Variants in IL7 observed in about 807,000 individuals in gnomAD.
IL7 encodes the protein interleukin-7.
Under a neutral mutation model 21.6 loss-of-function variants are expected in IL7, and 3 were observed. The observed-to-expected ratio is 0.14, with a 90% CI of 0.06 to 0.36. The LOEUF (loss-of-function observed/expected upper bound fraction) is 0.36. IL7 is among the 10% of genes least tolerant of loss of function. The probability of loss-of-function intolerance (pLI) is 1.00; values close to 1 mark genes in which losing one functional copy is unlikely to be tolerated. For synonymous variants in IL7, 62 were observed against 68.1 expected, an observed-to-expected ratio of 0.91 and a Z score of 0.44; for missense variants, 175 against 200.2, an observed-to-expected ratio of 0.87 and a Z score of 0.76.
intron 2 of IL7, among the ~76,000 whole-genome samples, chr8:78,777,224 A>C (rs1198899593): frequency 6.6e-6 from 1 of 152,072 alleles, no homozygotes; most frequent in African/African-American, 2.4e-5. Context: ...AAAAATACCA[A>C]TATAGTAATT....
At chr8:78,749,654 C>A (rs1022557255) in intron 2 of IL7, among the ~76,000 whole-genome samples, 5 of 152,218 alleles carry the variant, frequency 3.3e-5, no homozygotes, top group African/African-American at 1.2e-4. Flanking sequence ...CCAAGGGTAC[C>A]CAGTCATAGT....
chr8:78,801,072 T>C (rs1049345171), intron 1 of IL7, among the ~76,000 whole-genome samples: 1 of 152,216 alleles, frequency 6.6e-6, no homozygotes, highest in African/African-American at 2.4e-5. Context: ...TTTTTGTATA[T>C]TACACGTACT....
At chr8:78,712,099 A>G (rs952536954) in intron 3 of IL7, 57 of 1,283,442 alleles carry the variant, frequency 4.4e-5, no homozygotes, top group Non-Finnish European at 5.4e-5. Flanking sequence ...GTTATTACCT[A>G]TTTACAAGTA....
chr8:78,714,522 A>G (rs138662337), downstream of IL7, among the ~76,000 whole-genome samples: 72 of 152,300 alleles, frequency 4.7e-4, no homozygotes, highest in African/African-American at 1.5e-3. Flanking sequence ...CAAAGCTGTC[A>G]GTAGCATTAG....
chr8:78,695,758 A>G (rs1810379996), intron 3 of IL7, among the ~76,000 whole-genome samples: 1 of 152,150 alleles, frequency 6.6e-6, no homozygotes, highest in Admixed American at 6.5e-5. Flanking sequence ...AGTCTCATAG[A>G]CATTTGTTAA....
At chr8:78,761,751 T>C in intron 2 of IL7, 1 of 1,612,024 alleles carries the variant, frequency 6.2e-7, no homozygotes, top group Non-Finnish European at 8.5e-7. Context: ...AACAACGTGT[T>C]AACTGCTGTT....
intron 3 of IL7, among the ~76,000 whole-genome samples, chr8:78,724,908 A>G (rs976997456): frequency 5.9e-5 from 9 of 152,044 alleles, no homozygotes; most frequent in African/African-American, 2.2e-4. Flanking sequence ...CCATATTTTA[A>G]GTAGAAAACA....
At chr8:78,736,337 G>A (rs916959365) in intron 5 of IL7, 137 bp downstream of exon 5, 9 of 500,078 alleles carry the variant, frequency 1.8e-5, no homozygotes, top group South Asian at 5.5e-5. Context: ...GGGGCACCTC[G>A]CTTCTCCTTT....
chr8:78,683,497 G>T (rs1411194895), intron 4 of IL7, among the ~76,000 whole-genome samples: 2 of 152,170 alleles, frequency 1.3e-5, no homozygotes, highest in South Asian at 2.1e-4. Flanking sequence ...TTTTAGCCAT[G>T]CCTGGAGCAG....
At chr8:78,697,243 A>C (rs1361757985) in intron 3 of IL7, among the ~76,000 whole-genome samples, 1 of 152,220 alleles carries the variant, frequency 6.6e-6, no homozygotes, top group Non-Finnish European at 1.5e-5. Flanking sequence ...CAAGTGTTTT[A>C]ATACATTAAT....
At chr8:78,782,633 T>A (rs1813375119) in intron 2 of IL7, among the ~76,000 whole-genome samples, 1 of 151,896 alleles carries the variant, frequency 6.6e-6, no homozygotes, top group Non-Finnish European at 1.5e-5. Flanking sequence ...TTCATGTTAG[T>A]GGGAATGTCT....
intron 2 of IL7, among the ~76,000 whole-genome samples, chr8:78,790,416 A>G (rs1813649216): frequency 1.3e-5 from 2 of 152,174 alleles, no homozygotes; most frequent in Admixed American, 6.5e-5. Context: ...CAAAGAACAT[A>G]TGTTAAAAAA....
chr8:78,703,895 C>G (rs1240251762), intron 3 of IL7, among the ~76,000 whole-genome samples: 2 of 152,154 alleles, frequency 1.3e-5, no homozygotes, highest in African/African-American at 4.8e-5. Context: ...CTGTGTACCT[C>G]ATTGAGTTTT....
intron 4 of IL7, chr8:78,678,648 A>G (rs1202733283): frequency 1.2e-6 from 2 of 1,611,584 alleles, no homozygotes; most frequent in East Asian, 2.2e-5. Flanking sequence ...GAAGGAACTG[A>G]TATTCCAACA....
At chr8:78,691,627 A>AT (rs1173612708) in intron 3 of IL7, among the ~76,000 whole-genome samples, 2 of 151,704 alleles carry the variant, frequency 1.3e-5, no homozygotes, top group Non-Finnish European at 2.9e-5. Flanking sequence ...TCCTTTTGTA[A>AT]TTTTTTTAAA....
At chr8:78,719,523 A>G (rs1811198956) in intron 5 of IL7, 1 of 151,812 alleles carries the variant, frequency 6.6e-6, no homozygotes, top group Non-Finnish European at 1.5e-5. Context: ...TTTAAAAAAA[A>G]TCTTCCTATG....
At chr8:78,694,875 T>C (rs1810348753) in intron 3 of IL7, among the ~76,000 whole-genome samples, 1 of 152,214 alleles carries the variant, frequency 6.6e-6, no homozygotes, top group South Asian at 2.1e-4. Flanking sequence ...TATAAAATCA[T>C]TTCATTCTCC....
chr8:78,737,346 C>T (rs1016389187), intron 4 of IL7, among the ~76,000 whole-genome samples: 3 of 152,010 alleles, frequency 2.0e-5, no homozygotes, highest in Non-Finnish European at 4.4e-5. Flanking sequence ...CTGCATTAGA[C>T]AGTACTTTGA....
intron 2 of IL7, among the ~76,000 whole-genome samples, chr8:78,759,898 T>C (rs1195927866): frequency 6.6e-6 from 1 of 152,064 alleles, no homozygotes; most frequent in Non-Finnish European, 1.5e-5. Flanking sequence ...AATTCCAGAG[T>C]GCCGTCAACA....
Sources: gnomAD v4.1 joint callset for allele counts (sites outside exome capture counted in the v4.1 genomes callset) on GRCh38, gnomAD v4.1.1 for gene constraint, MANE v1.5 for transcripts, NCBI Gene and HGNC (gene_info 2026-07-23, HGNC 2026-07-21) for gene names.